Variants in ETS1 observed in about 807,000 individuals in gnomAD.
The protein encoded by ETS1 is ETS proto-oncogene 1, transcription factor.
Under a neutral mutation model 58.6 loss-of-function variants are expected in ETS1, and 15 were observed. The observed-to-expected ratio is 0.26, with a 90% CI of 0.17 to 0.39. The LOEUF (loss-of-function observed/expected upper bound fraction) is 0.39, where lower values mean the gene tolerates loss of function less well. ETS1 is among the 10% of genes least tolerant of loss of function. The pLI is 1.00. For missense variants in ETS1, 417 were observed against 610.5 expected (o/e 0.68, Z 3.34); for synonymous variants, 214 against 218.2 (o/e 0.98, Z 0.17).
Position 128,550,127 on chromosome 11 carries a change from A to G in ETS1, c.214+6164T>C, listed in dbSNP as rs572254321. Among the ~76,000 whole-genome samples, 155 of 152,354 alleles carry G rather than the reference A, an allele frequency of 1.0e-3. 1 individual carries two copies. The Middle Eastern group carries it at 0.014, about 13-fold the overall frequency. ...GTGAAAGGTGAGGGTTGGGAAGCTC[A>G]GTGGACTTAGCCAAGGCCGAAGGCC... On this transcript the variant is annotated intron_variant, in intron 3 of 9. Coordinates refer to ENST00000392668, the MANE Select transcript of ETS1 (RefSeq NM_001143820.2).
At chr11:128,536,653 A>G (rs1863977405) in intron 3 of ETS1, 1 of 152,206 alleles carries the variant, frequency 6.6e-6, no homozygotes, top group South Asian at 2.1e-4. Flanking sequence ...GACACACAAG[A>G]AGCCTCTCAT....
intron 1 of ETS1, among the ~76,000 whole-genome samples, chr11:128,587,067 AG>A (rs1156264228): frequency 1.3e-5 from 2 of 152,106 alleles, no homozygotes; most frequent in East Asian, 3.8e-4. Context: ...AACTACTAGC[AG>A]GAGAAAAAAG....
At chr11:128,583,629 GT>G (rs548150650) in intron 1 of ETS1, among the ~76,000 whole-genome samples, 3 of 152,028 alleles carry the variant, frequency 2.0e-5, no homozygotes, top group African/African-American at 7.2e-5. Flanking sequence ...AAAGTGAAAA[GT>G]TTTTTTTAAG....
intron 5 of ETS1, 46 bp downstream of exon 5, chr11:128,489,244 A>T (rs749834686): frequency 2.2e-5 from 34 of 1,566,840 alleles, no homozygotes; most frequent in African/African-American, 2.7e-5. Flanking sequence ...CTACTCTCAC[A>T]GCAACCCCAC....
At chr11:128,547,807 G>T (rs868733814) in intron 3 of ETS1, among the ~76,000 whole-genome samples, 73 of 152,216 alleles carry the variant, frequency 4.8e-4, no homozygotes, top group African/African-American at 1.3e-3. Context: ...AAATAGGGAT[G>T]ATGGGGAGGG....
chr11:128,466,800 A>G (rs1227110961), intron 8 of ETS1, among the ~76,000 whole-genome samples: 1 of 152,138 alleles, frequency 6.6e-6, no homozygotes, highest in Non-Finnish European at 1.5e-5. Flanking sequence ...ACCCAAGGAA[A>G]GAGGGAGGAT....
intron 3 of ETS1, among the ~76,000 whole-genome samples, chr11:128,522,736 T>C (rs1591640753): frequency 6.6e-6 from 1 of 152,304 alleles, no homozygotes; most frequent in East Asian, 1.9e-4. Context: ...AGTAGCAGCA[T>C]AGTTTTCCAA....
Position 128,480,183 on chromosome 11 carries a change from G to A in ETS1, c.1123+8C>T, listed in dbSNP as rs757231712. 1 of 1,613,126 alleles carries A rather than the reference G, an allele frequency of 6.2e-7. No individual in the cohort carries two copies. Among genetic ancestry groups the A allele is most frequent in the Admixed American group, 1.7e-5 (1 of 59,992 alleles). On this transcript the variant is annotated splice_region_variant and intron_variant, in intron 8 of 9. Coordinates refer to ENST00000392668, the MANE Select transcript of ETS1 (RefSeq NM_001143820.2). ...TGGAGTTGGCCTAAGCAGCGGGAGG[G>A]CGCCTACCTGTGTAGCCAGCTAGGG...
intron 3 of ETS1, among the ~76,000 whole-genome samples, chr11:128,538,773 C>G (rs1001790717): frequency 6.6e-6 from 1 of 151,726 alleles, no homozygotes; most frequent in African/African-American, 2.4e-5. Context: ...CACACACACA[C>G]ACACACACAC....
At chr11:128,572,981 TG>T in intron 2 of ETS1, 80 bp downstream of exon 2, 1 of 1,112,256 alleles carries the variant, frequency 9.0e-7, no homozygotes. Context: ...CTCTGTCTAC[TG>T]GGGGTCAGGA....
At position 128,556,758 on chromosome 11, in the gene ETS1, C is replaced by A. The variant is rs78038390; in HGVS notation, c.70-323G>T. Among the ~76,000 whole-genome samples the A allele has an allele frequency of 1.3e-3, 199 of 152,256 alleles. 1 individual carries two copies. Among genetic ancestry groups the A allele is most frequent in the African/African-American group, 4.6e-3 (189 of 41,532 alleles). On this transcript the variant is annotated intron_variant, in intron 2 of 9. Coordinates refer to ENST00000392668, the MANE Select transcript of ETS1 (RefSeq NM_001143820.2). The stretch of plus-strand genomic sequence containing the variant: ...GCTGACCATCTTGAATTTATACACT[C>A]CTGGCTTATTTTTAATGGTACCTTA...
intron 1 of ETS1, among the ~76,000 whole-genome samples, chr11:128,584,945 A>G (rs1864945334): frequency 5.2e-5 from 1 of 19,344 alleles, no homozygotes; most frequent in Non-Finnish European, 8.9e-5. Context: ...GAGAAAAGAA[A>G]GAAAGAAAGA....
chr11:128,510,570 TGGA>T (rs1863365380), intron 3 of ETS1, among the ~76,000 whole-genome samples: 1 of 152,208 alleles, frequency 6.6e-6, no homozygotes, highest in African/African-American at 2.4e-5. Flanking sequence ...GAACCCCAAT[TGGA>T]GGAGGAGACA....
intron 3 of ETS1, among the ~76,000 whole-genome samples, chr11:128,538,164 C>T (rs769888677): frequency 1.3e-5 from 2 of 152,054 alleles, no homozygotes; most frequent in Non-Finnish European, 2.9e-5. Context: ...CAGAAACACT[C>T]GCATTAAATG....
intron 1 of ETS1, among the ~76,000 whole-genome samples, chr11:128,579,193 G>T (rs1438939669): frequency 6.6e-6 from 1 of 152,130 alleles, no homozygotes; most frequent in Non-Finnish European, 1.5e-5. Flanking sequence ...TAAAGCTGTG[G>T]CAGAAAATGT....
rs1861879634 is a variant in ETS1, at chr11:128,460,411, G to A, written c.*1950C>T. Reference sequence around the variant, plus strand: ...ATTCTGGGTCTGCAAGAGGATCTGGGAGTAAATAACAATCAATTTTCTTAA... The same window carrying A: ...ATTCTGGGTCTGCAAGAGGATCTGGAAGTAAATAACAATCAATTTTCTTAA... On this transcript the variant is annotated 3_prime_UTR_variant, in exon 10 of 10. Transcript: ENST00000392668. 6.5e-6 allele frequency: 1 copy of A among 152,712 alleles called. No individual in the cohort carries two copies. Among genetic ancestry groups the A allele is most frequent in the African/African-American group, 2.4e-5 (1 of 41,420 alleles). 9.5% of individuals were successfully genotyped at this position (152,712 alleles called of 1,614,324 possible). A position where few individuals can be genotyped will look rare whatever the true frequency, so the allele number is the denominator to read the frequency against.
chr11:128,468,921 G>A (rs1440574516), intron 8 of ETS1, among the ~76,000 whole-genome samples: 1 of 152,176 alleles, frequency 6.6e-6, no homozygotes, highest in Non-Finnish European at 1.5e-5. Flanking sequence ...ATATCTTACT[G>A]AGCCATATAT....
chr11:128,513,232 C>T (rs571922065), intron 3 of ETS1, among the ~76,000 whole-genome samples: 1 of 152,306 alleles, frequency 6.6e-6, no homozygotes, highest in Admixed American at 6.5e-5. Flanking sequence ...ATGTTGCCTA[C>T]CTCTTGAATG....
Position 128,489,406 on chromosome 11 carries a change from T to C in ETS1, c.419A>G (p.Gln140Arg), listed in dbSNP as rs754632976. The C allele has an allele frequency of 1.1e-5, 18 of 1,614,062 alleles. No homozygotes were observed. Among genetic ancestry groups the C allele is most frequent in the South Asian group, 7.7e-5 (7 of 91,084 alleles). ...GGCTGCTCCATTCATACAGAACTTC[T>C]GGAAGTCTACACCTTTCAGGCTGAA... ...NEFSLKGVDF[Q>R]KFCMNGAALC... is the part of the protein sequence containing the mutation. Residue 140 changes from glutamine (Q) to arginine (R), a missense_variant, in exon 5 of 10, where the codon CAG becomes CGG. Physicochemically the swap from Gln to Arg is conservative, Grantham distance 43. Coordinates refer to ENST00000392668, the MANE Select transcript of ETS1 (RefSeq NM_001143820.2).
Sources: gnomAD v4.1 joint callset for allele counts (sites outside exome capture counted in the v4.1 genomes callset) on GRCh38, gnomAD v4.1.1 for gene constraint, MANE v1.5 for transcripts, NCBI Gene and HGNC (gene_info 2026-07-23, HGNC 2026-07-21) for gene names.